SIX3: variants seen among roughly 807,000 people sequenced by gnomAD.
The protein encoded by SIX3 is SIX homeobox 3, also known as homeobox protein SIX3.
A neutral mutation model predicts 21.7 loss-of-function variants in SIX3; 2 were observed. That is an observed-to-expected ratio of 0.09 (90% CI 0.04 to 0.29). The LOEUF (loss-of-function observed/expected upper bound fraction) is 0.29, where lower values mean the gene tolerates loss of function less well. Among genes scored for constraint, SIX3 ranks in the 10% least tolerant of loss-of-function variants. The pLI is 1.00. For missense variants in SIX3, 347 were observed against 480.7 expected (o/e 0.72, Z 2.60); for synonymous variants, 243 against 220.6 (o/e 1.10, Z -0.90).
chr2:44,944,877 CG>C lies in SIX3; in HGVS notation c.*118del. 1.0e-6 allele frequency: 1 copy of C among 958,852 alleles called. No individual in the cohort carries two copies. Among genetic ancestry groups the C allele is most frequent in the Non-Finnish European group, 1.6e-6 (1 of 620,694 alleles). 59.4% of individuals were successfully genotyped at this position (958,852 alleles called of 1,614,324 possible). ...CTCCTCCTCCATCCCCAGAACAAAC[CG>C]AAATCAGGATACCCAACCATACACA... On this transcript the variant is annotated 3_prime_UTR_variant, in exon 2 of 2. Transcript: ENST00000260653.
rs775115929 is a variant in SIX3, at chr2:44,942,118, C to T, written c.14C>T (p.Ser5Phe). The change falls in exon 1 of 2, where the codon TCC (serine) becomes TTC (phenylalanine). Residue 5 changes from serine to phenylalanine, a missense_variant. Coordinates refer to ENST00000260653, the MANE Select transcript of SIX3 (RefSeq NM_005413.4). The surrounding 1 kb of genome is among the most constrained non-coding windows in gnomAD (Gnocchi z 8.4). ...TCAGGTCAGTCCATGGTATTCCGCT[C>T]CCCCCTAGACCTCTATTCCTCCCAC... is the stretch of plus-strand genomic sequence containing the variant. Reference protein sequence around the residue: MVFRSPLDLYSSHFL... With the variant: MVFRFPLDLYSSHFL... 5 of 1,594,256 alleles carry T rather than the reference C, an allele frequency of 3.1e-6. No individual in the cohort carries two copies. Among genetic ancestry groups the T allele is most frequent in the Non-Finnish European group, 4.2e-6 (5 of 1,176,906 alleles).
Position 44,945,060 on chromosome 2 carries a change from T to C in SIX3, c.*300T>C. On this transcript the variant is annotated 3_prime_UTR_variant, in exon 2 of 2. Coordinates refer to ENST00000260653, the MANE Select transcript of SIX3 (RefSeq NM_005413.4). ...CCAACAGACAGTCAAACGCTGATGT[T>C]GCGGGCAGAAAACATAAAAGAGGTG... 1 of 513,484 alleles carries C rather than the reference T, an allele frequency of 1.9e-6. No homozygotes were observed. The highest frequency in any genetic ancestry group is 1.9e-5 in the African/African-American group (1 of 51,938). 31.8% of individuals were successfully genotyped at this position (513,484 alleles called of 1,614,324 possible). A position where few individuals can be genotyped will look rare whatever the true frequency, so the allele number is the denominator to read the frequency against.
chr2:44,944,548 C>A lies in SIX3; in HGVS notation c.807-20C>A, dbSNP rs778662372. 1.3e-6 allele frequency: 2 copies of A among 1,559,810 alleles called. No homozygotes were observed. Among genetic ancestry groups the A allele is most frequent in the Non-Finnish European group, 1.7e-6 (2 of 1,159,862 alleles). ...GCGGGCCTCTGTGTCAGGGCGGGCG[C>A]GGATCTCTTTCTCCCGCAGGCTCCA... On this transcript the variant is annotated intron_variant, in intron 1 of 1. Coordinates refer to ENST00000260653, the MANE Select transcript of SIX3 (RefSeq NM_005413.4).
At position 44,941,736 on chromosome 2, in the gene SIX3, G is replaced by A; in HGVS notation, c.-369G>A. The A allele has an allele frequency of 3.4e-6, 1 of 291,144 alleles. No individual in the cohort carries two copies. Among genetic ancestry groups the A allele is most frequent in the Non-Finnish European group, 6.8e-6 (1 of 148,058 alleles). 18.0% of individuals were successfully genotyped at this position (291,144 alleles called of 1,614,324 possible). ...GTGGATTTAGGGGAGATATTATGAG[G>A]CTGTTGTCATTAGGGCGATTGCGGT... On this transcript the variant is annotated 5_prime_UTR_variant, in exon 1 of 2. Coordinates refer to ENST00000260653, the MANE Select transcript of SIX3 (RefSeq NM_005413.4).
In SIX3 at chr2:44,942,954, G is replaced by C; in HGVS notation, c.806+44G>C. On this transcript the variant is annotated intron_variant, in intron 1 of 1. Coordinates refer to ENST00000260653, the MANE Select transcript of SIX3 (RefSeq NM_005413.4). This position sits in a 1 kb window ranked among gnomAD's most constrained non-coding sequence, Gnocchi z 8.4. ...GGCCTGGCTACAGCCTCAGAGGCCT[G>C]GGAAGGGGAGAGGGGTTGAGATGGG... 4 of 1,576,978 alleles carry C rather than the reference G, an allele frequency of 2.5e-6. No individual in the cohort carries two copies. Among genetic ancestry groups the C allele is most frequent in the Non-Finnish European group, 3.4e-6 (4 of 1,169,066 alleles).
At chr2:44,944,452 G>C in intron 1 of SIX3, 116 bp from the exon 2 acceptor site, 2 of 1,227,618 alleles carry the variant, frequency 1.6e-6, no homozygotes, top group Non-Finnish European at 2.3e-6. Context: ...TCCGAGGCCA[G>C]CCTCTATCTG....
intron 1 of SIX3, among the ~76,000 whole-genome samples, chr2:44,943,894 G>A (rs1666635691): frequency 6.6e-6 from 1 of 152,182 alleles, no homozygotes; most frequent in African/African-American, 2.4e-5. Context: ...TTAGGCGGCC[G>A]GGACCTGAGC....
chr2:44,942,066 C>T lies in SIX3; in HGVS notation c.-39C>T, dbSNP rs1262698295. 2.6e-6 allele frequency: 4 copies of T among 1,524,924 alleles called. No homozygotes were observed. Among genetic ancestry groups the T allele is most frequent in the Non-Finnish European group, 3.6e-6 (4 of 1,118,414 alleles). 94.5% of individuals were successfully genotyped at this position (1,524,924 alleles called of 1,614,324 possible). Reference sequence around the variant, plus strand: ...TCCTCCTCTTCCTCCCCTCTCTCTTCCTCTCCCTGAATTTTCTCCTCTCCT... The same window carrying T: ...TCCTCCTCTTCCTCCCCTCTCTCTTTCTCTCCCTGAATTTTCTCCTCTCCT... On this transcript the variant is annotated 5_prime_UTR_variant, in exon 1 of 2. Coordinates refer to ENST00000260653, the MANE Select transcript of SIX3 (RefSeq NM_005413.4). This position sits in a 1 kb window ranked among gnomAD's most constrained non-coding sequence, Gnocchi z 8.4.
In SIX3 at chr2:44,945,360, AAG is replaced by A. The variant is rs1666673471; in HGVS notation, c.*602_*603del. On this transcript the variant is annotated 3_prime_UTR_variant, in exon 2 of 2. Coordinates refer to ENST00000260653, the MANE Select transcript of SIX3 (RefSeq NM_005413.4). Reference sequence around the variant, plus strand: ...AAGGACAGGGGGAAAAAAAAAAAAAAAGAACTCCTGGAGAGGGAAATAGCAAA... The same window carrying A: ...AAGGACAGGGGGAAAAAAAAAAAAAAAACTCCTGGAGAGGGAAATAGCAAA... The A allele has an allele frequency of 1.3e-5, 2 of 150,216 alleles. No homozygotes were observed. Among genetic ancestry groups the A allele is most frequent in the Admixed American group, 1.3e-4 (2 of 15,076 alleles). The allele number at this position is 150,216 out of a possible 1,614,324, so 9.3% of individuals were successfully genotyped here. A position where few individuals can be genotyped will look rare whatever the true frequency, so the allele number is the denominator to read the frequency against.
Position 44,945,929 on chromosome 2 carries a change from A to G in SIX3, c.*1169A>G, listed in dbSNP as rs1666684939. 1.3e-5 allele frequency: 2 copies of G among 152,268 alleles called. No individual in the cohort carries two copies. Among genetic ancestry groups the G allele is most frequent in the Admixed American group, 6.5e-5 (1 of 15,284 alleles). 9.4% of individuals were successfully genotyped at this position (152,268 alleles called of 1,614,324 possible). ...GAGTGAGATTGTAGTATTCTTATGC[A>G]AAAGCTATTTCCAGTATTTCTTAGC... On this transcript the variant is annotated 3_prime_UTR_variant, in exon 2 of 2. Coordinates refer to ENST00000260653, the MANE Select transcript of SIX3 (RefSeq NM_005413.4).
chr2:44,944,044 C>A (rs778735418), intron 1 of SIX3, among the ~76,000 whole-genome samples: 43 of 152,370 alleles, frequency 2.8e-4, no homozygotes, highest in Admixed American at 2.4e-3. Flanking sequence ...GAAAGGGCAG[C>A]TGGAGACTGC....
At chr2:44,943,466 A>AGCGTGT (rs754680376) in intron 1 of SIX3, among the ~76,000 whole-genome samples, 153 of 152,316 alleles carry the variant, frequency 1.0e-3, no homozygotes, top group Middle Eastern at 3.4e-3. Flanking sequence ...GGAGAGGCCT[A>AGCGTGT]GCGTGTGCGT....
In SIX3 at chr2:44,944,739, C is replaced by T. The variant is rs1341424178; in HGVS notation, c.978C>T (p.Ser326=). The part of the protein sequence containing the change: ...TGTSILSVTS[S]DSECDV ...CCTCCATCCTCTCGGTAACCTCCAGCGACTCGGAATGTGATGTATGATAGC... is the reference window on the plus strand; with the variant it reads ...CCTCCATCCTCTCGGTAACCTCCAGTGACTCGGAATGTGATGTATGATAGC... Residue 326 remains serine (S), a synonymous_variant, in exon 2 of 2, where the codon AGC becomes AGT. Coordinates refer to ENST00000260653, the MANE Select transcript of SIX3 (RefSeq NM_005413.4). 1 of 1,586,976 alleles carries T rather than the reference C, an allele frequency of 6.3e-7. No individual in the cohort carries two copies. Among genetic ancestry groups the T allele is most frequent in the Middle Eastern group, 1.7e-4 (1 of 6,046 alleles).
intron 1 of SIX3, among the ~76,000 whole-genome samples, chr2:44,943,174 T>A (rs1268037040): frequency 1.3e-5 from 2 of 152,156 alleles, no homozygotes; most frequent in East Asian, 3.9e-4. Context: ...CCTGGGAGAC[T>A]TAGCCCTGCG....
Position 44,942,292 on chromosome 2 carries a change from G to A in SIX3, c.188G>A (p.Gly63Asp), listed in dbSNP as rs1216076593. 3 of 1,499,290 alleles carry A rather than the reference G, an allele frequency of 2.0e-6. No homozygotes were observed. Among genetic ancestry groups the A allele is most frequent in the Non-Finnish European group, 2.7e-6 (3 of 1,125,992 alleles). 92.9% of individuals were successfully genotyped at this position (1,499,290 alleles called of 1,614,324 possible). A position where few individuals can be genotyped will look rare whatever the true frequency, so the allele number is the denominator to read the frequency against. Residue 63 changes from glycine (G) to aspartate (D), a missense_variant, in exon 1 of 2, where the codon GGC becomes GAC. Transcript: ENST00000260653. The surrounding 1 kb of genome is among the most constrained non-coding windows in gnomAD (Gnocchi z 8.4). ...GAGGGGAGGA[G>D]GGGGGGSRAP... ...GGAGGCGGCGGTGCTGGCGGAGCAG[G>A]CGGCGGCGGCGGCGGCGGCTCCAGG...
intron 1 of SIX3, 137 bp downstream of exon 1, chr2:44,943,047 T>C (rs1447642977): frequency 5.0e-6 from 7 of 1,393,260 alleles, no homozygotes; most frequent in Non-Finnish European, 6.6e-6. Flanking sequence ...AGTTTCCGCT[T>C]GTCCGGGACG....
At chr2:44,943,444 C>A (rs1368350840) in intron 1 of SIX3, among the ~76,000 whole-genome samples, 5 of 152,338 alleles carry the variant, frequency 3.3e-5, no homozygotes, top group East Asian at 1.9e-4. Flanking sequence ...GCAGGAGAGC[C>A]GGGCTGGGAG....
In SIX3 at chr2:44,942,249, G is replaced by A. The variant is rs1666592537; in HGVS notation, c.145G>A (p.Gly49Ser). 2 of 1,571,910 alleles carry A rather than the reference G, an allele frequency of 1.3e-6. No homozygotes were observed. The highest frequency in any genetic ancestry group is 1.7e-6 in the Non-Finnish European group (2 of 1,165,286). Residue 49 changes from glycine to serine, a missense_variant, in exon 1 of 2, where the codon GGC (glycine) becomes AGC (serine). Gly to Ser is a moderately conservative substitution (Grantham distance 56). Transcript: ENST00000260653. The surrounding 1 kb of genome is among the most constrained non-coding windows in gnomAD (Gnocchi z 8.4). ...GGGGGAGGGS[G>S]GGNGAGGGGA... Reference sequence around the variant, plus strand: ...CGGCGGCGGCGCGGGAGGCGGCAGCGGCGGCGGGAACGGTGCGGGAGGCGG... The same window carrying A: ...CGGCGGCGGCGCGGGAGGCGGCAGCAGCGGCGGGAACGGTGCGGGAGGCGG...
chr2:44,944,346 C>T (rs992510625), intron 1 of SIX3, among the ~76,000 whole-genome samples: 3 of 152,210 alleles, frequency 2.0e-5, no homozygotes, highest in African/African-American at 7.2e-5. Context: ...AAGAAGCGCC[C>T]GGCTCCTCTC....
Sources: gnomAD v4.1 joint callset for allele counts (sites outside exome capture counted in the v4.1 genomes callset) on GRCh38, gnomAD v4.1.1 for gene constraint, Gnocchi (gnomAD v3.1) non-coding constraint, MANE v1.5 for transcripts, NCBI Gene and HGNC (gene_info 2026-07-23, HGNC 2026-07-21) for gene names.